Variants in TMEM132B observed in about 807,000 individuals in gnomAD.
TMEM132B encodes the protein transmembrane protein 132B.
A neutral mutation model predicts 90.8 loss-of-function variants in TMEM132B; 18 were observed. The observed-to-expected ratio is 0.20, with a 90% CI of 0.14 to 0.29. The LOEUF (loss-of-function observed/expected upper bound fraction) is 0.29. TMEM132B is among the 10% of genes least tolerant of loss of function. The probability of loss-of-function intolerance (pLI) is 1.00; values close to 1 mark genes in which losing one functional copy is unlikely to be tolerated. For synonymous variants in TMEM132B, 504 were observed against 523.3 expected, an observed-to-expected ratio of 0.96 and a Z score of 0.50; for missense variants, 1,096 against 1,326.8, an observed-to-expected ratio of 0.83 and a Z score of 2.70.
intron 5 of TMEM132B, among the ~76,000 whole-genome samples, chr12:125,638,702 G>A (rs1593037649): frequency 1.3e-5 from 2 of 152,094 alleles, no homozygotes; most frequent in African/African-American, 4.8e-5. Flanking sequence ...GGGCAGGCAG[G>A]TGGGTCAACA....
At chr12:125,296,225 CCTT>C (rs1565995482) in intron 1 of TMEM132B, among the ~76,000 whole-genome samples, 2 of 152,216 alleles carry the variant, frequency 1.3e-5, no homozygotes, top group Admixed American at 6.5e-5. Flanking sequence ...GATCCCATCT[CCTT>C]CTGCCTATGC....
At chr12:125,526,595 A>G (rs1437975441) in intron 4 of TMEM132B, among the ~76,000 whole-genome samples, 1 of 152,194 alleles carries the variant, frequency 6.6e-6, no homozygotes, top group Admixed American at 6.5e-5. Flanking sequence ...TCAACCCCAG[A>G]CTTATGATTT....
intron 2 of TMEM132B, among the ~76,000 whole-genome samples, chr12:125,377,948 T>C (rs116581013): frequency 6.6e-6 from 1 of 152,152 alleles, no homozygotes; most frequent in African/African-American, 2.4e-5. Context: ...GTCAGATGAG[T>C]TCATGTGAAG....
rs374819834 is a variant in TMEM132B, at chr12:125,403,613, C to T, written c.960-11918C>T. ...CTTAAATTGTTCTAACAAAGATAAT[C>T]TAAAATTAGGAAGGATTTGGACTAA... On this transcript the variant is annotated intron_variant, in intron 2 of 8. Transcript: ENST00000682704. 3.3e-5 allele frequency among the ~76,000 whole-genome samples: 5 copies of T among 152,218 alleles called. No individual in the cohort carries two copies. The South Asian group carries it at 6.2e-4, about 19-fold the overall frequency.
chr12:125,222,530 A>G (rs1407919174), intron 1 of TMEM132B, among the ~76,000 whole-genome samples: 2 of 152,192 alleles, frequency 1.3e-5, no homozygotes, highest in African/African-American at 4.8e-5. Context: ...CACTTTCTGA[A>G]CATTTGTTCT....
intron 4 of TMEM132B, among the ~76,000 whole-genome samples, chr12:125,571,644 A>G (rs1321976888): frequency 6.6e-6 from 1 of 152,142 alleles, no homozygotes; most frequent in Non-Finnish European, 1.5e-5. Context: ...TTGAGTCTGA[A>G]CAAATGTGTT....
intron 2 of TMEM132B, among the ~76,000 whole-genome samples, chr12:125,373,189 A>G (rs1219545790): frequency 6.6e-6 from 1 of 152,240 alleles, no homozygotes; most frequent in Admixed American, 6.5e-5. Flanking sequence ...TATATGTGGC[A>G]TGTAGCTGGG....
At chr12:125,455,646 G>A (rs1460884744) in intron 3 of TMEM132B, among the ~76,000 whole-genome samples, 4 of 151,926 alleles carry the variant, frequency 2.6e-5, no homozygotes. Flanking sequence ...GTTGTCCAGG[G>A]ATGGATTATC....
chr12:125,259,570 TC>T (rs1290302482), intron 1 of TMEM132B, among the ~76,000 whole-genome samples: 2 of 152,232 alleles, frequency 1.3e-5, no homozygotes, highest in Non-Finnish European at 2.9e-5. Flanking sequence ...AAATTCTCTT[TC>T]CTGGGTTTGA....
chr12:125,324,938 G>A lies in TMEM132B; in HGVS notation c.68-24514G>A, dbSNP rs543060853. Among the ~76,000 whole-genome samples the A allele has an allele frequency of 1.2e-4, 18 of 152,230 alleles. No individual in the cohort carries two copies. In the South Asian group the frequency reaches 3.7e-3, roughly 32 times the overall value. ...TGGGGGAAAACAGTCCAACTTCAAC[G>A]GGGCTCAAACAAAACTCCTTTGGGC... On this transcript the variant is annotated intron_variant, in intron 1 of 8. Transcript: ENST00000682704.
intron 1 of TMEM132B, among the ~76,000 whole-genome samples, chr12:125,306,042 A>G (rs1875950630): frequency 6.6e-6 from 1 of 152,190 alleles, no homozygotes; most frequent in South Asian, 2.1e-4. Context: ...CAGGAATGTT[A>G]CCGATAGGCC....
At chr12:125,437,358 C>A (rs915161585) in intron 3 of TMEM132B, among the ~76,000 whole-genome samples, 7 of 152,208 alleles carry the variant, frequency 4.6e-5, no homozygotes, top group African/African-American at 1.7e-4. Context: ...GGGTTGTTTT[C>A]ATCTGTGATT....
intron 5 of TMEM132B, among the ~76,000 whole-genome samples, chr12:125,609,239 G>T (rs1885767819): frequency 6.6e-6 from 1 of 152,094 alleles, no homozygotes; most frequent in African/African-American, 2.4e-5. Flanking sequence ...AACCATATCA[G>T]ACCAAAAATG....
At chr12:125,551,927 G>A (rs1434049858) in intron 4 of TMEM132B, among the ~76,000 whole-genome samples, 1 of 152,110 alleles carries the variant, frequency 6.6e-6, no homozygotes, top group Non-Finnish European at 1.5e-5. Context: ...ATCTCTTATG[G>A]TCTAGGCTGA....
intron 3 of TMEM132B, among the ~76,000 whole-genome samples, chr12:125,465,248 T>C (rs1267169358): frequency 6.6e-6 from 1 of 152,198 alleles, no homozygotes; most frequent in East Asian, 1.9e-4. Flanking sequence ...GATCAGAAAT[T>C]ACCTAGAAAA....
chr12:125,273,913 C>T (rs936806137), intron 1 of TMEM132B, among the ~76,000 whole-genome samples: 2 of 152,190 alleles, frequency 1.3e-5, no homozygotes, highest in Non-Finnish European at 2.9e-5. Context: ...ATCCACCCAC[C>T]TTGGCCTCCC....
chr12:125,306,821 C>T (rs1875982944), intron 1 of TMEM132B, among the ~76,000 whole-genome samples: 1 of 152,240 alleles, frequency 6.6e-6, no homozygotes, highest in African/African-American at 2.4e-5. Flanking sequence ...CATCTCATTC[C>T]AAGTAAAAGC....
intron 2 of TMEM132B, among the ~76,000 whole-genome samples, chr12:125,402,482 A>G (rs1190050327): frequency 1.3e-5 from 2 of 152,212 alleles, no homozygotes; most frequent in Non-Finnish European, 1.5e-5. Flanking sequence ...TGGCTGGTAA[A>G]TATATCTTGA....
rs142559966 is a variant in TMEM132B, at chr12:125,537,499, AC to A, written c.1293+17876del. On this transcript the variant is annotated intron_variant, in intron 4 of 8. Coordinates refer to ENST00000682704, the MANE Select transcript of TMEM132B (RefSeq NM_001366854.1). The stretch of plus-strand genomic sequence containing the variant: ...TTGTTGGTCTGTGGCCTTCTAAGTC[AC>A]CTGGGGCGGACATCCATTCTTGACA... Among the ~76,000 whole-genome samples, 850 of 152,198 alleles carry A rather than the reference AC, an allele frequency of 5.6e-3. 8 individuals carry two copies. Among genetic ancestry groups the A allele is most frequent in the African/African-American group, 0.02 (826 of 41,510 alleles).
Sources: gnomAD v4.1 joint callset for allele counts (sites outside exome capture counted in the v4.1 genomes callset) on GRCh38, gnomAD v4.1.1 for gene constraint, MANE v1.5 for transcripts, NCBI Gene and HGNC (gene_info 2026-07-23, HGNC 2026-07-21) for gene names.